AGBL4: variants seen among roughly 807,000 people sequenced by gnomAD.
AGBL4 encodes the protein cytosolic carboxypeptidase 6.
In AGBL4, 58 loss-of-function variants were observed where a neutral mutation model predicts 66.4. The ratio of observed to expected loss-of-function variants is 0.87; its 90% confidence interval spans 0.71 to 1.09. The LOEUF (loss-of-function observed/expected upper bound fraction) is 1.09. Ranked by LOEUF, AGBL4 falls within the 50% of genes least tolerant of loss-of-function variation. The pLI is 0.00. For synonymous variants in AGBL4, 234 were observed against 222.9 expected (o/e 1.05, Z -0.44); for missense variants, 579 against 631.0 (o/e 0.92, Z 0.88).
chr1:49,683,855 A>C (rs574533127), intron 3 of AGBL4, among the ~76,000 whole-genome samples: 1 of 152,328 alleles, frequency 6.6e-6, no homozygotes, highest in African/African-American at 2.4e-5. Context: ...TACACACTTG[A>C]TGAAAATTTG....
chr1:48,948,574 A>T (rs1283728201), intron 5 of AGBL4, among the ~76,000 whole-genome samples: 1 of 152,190 alleles, frequency 6.6e-6, no homozygotes. Context: ...ATCCATCTCC[A>T]GGCCATCATT....
chr1:49,258,060 A>G (rs903375175), intron 3 of AGBL4, among the ~76,000 whole-genome samples: 1 of 152,220 alleles, frequency 6.6e-6, no homozygotes, highest in Non-Finnish European at 1.5e-5. Context: ...CAGGGTCTGG[A>G]GTGAACCTCT....
intron 3 of AGBL4, among the ~76,000 whole-genome samples, chr1:49,466,282 G>A (rs1166311278): frequency 6.6e-6 from 1 of 151,876 alleles, no homozygotes; most frequent in Non-Finnish European, 1.5e-5. Flanking sequence ...ACCATTCATA[G>A]GCAGTACAGA....
In AGBL4 at chr1:49,932,931, G is replaced by A. The variant is rs377717653; in HGVS notation, c.35-81413C>T. Among the ~76,000 whole-genome samples the A allele has an allele frequency of 3.7e-4, 56 of 152,112 alleles. 1 individual carries two copies. The South Asian group carries it at 9.7e-3, about 26-fold the overall frequency. On this transcript the variant is annotated intron_variant, in intron 1 of 13. Transcript: ENST00000371839. The stretch of plus-strand genomic sequence containing the variant: ...TCTACAAACCTTATGAAACACAGGC[G>A]GGAAAACCTGTATACACATCATGGG...
intron 9 of AGBL4, among the ~76,000 whole-genome samples, chr1:48,608,034 C>T (rs557072668): frequency 6.6e-6 from 1 of 152,300 alleles, no homozygotes; most frequent in Admixed American, 6.5e-5. Context: ...TAAAATACTG[C>T]TTCTGAAGGG....
intron 1 of AGBL4, among the ~76,000 whole-genome samples, chr1:50,011,867 GAATGTTT>G (rs1557659327): frequency 6.6e-6 from 1 of 152,212 alleles, no homozygotes; most frequent in Non-Finnish European, 1.5e-5. Flanking sequence ...GAGAGTAGAA[GAATGTTT>G]ACCGGCCGGG....
intron 3 of AGBL4, among the ~76,000 whole-genome samples, chr1:49,560,226 T>C (rs924041050): frequency 1.3e-5 from 2 of 151,874 alleles, no homozygotes; most frequent in Non-Finnish European, 2.9e-5. Flanking sequence ...AAATCCAAGA[T>C]AACACGGAGA....
intron 4 of AGBL4, among the ~76,000 whole-genome samples, chr1:49,178,037 G>A (rs1646863062): frequency 6.6e-6 from 1 of 152,126 alleles, no homozygotes; most frequent in African/African-American, 2.4e-5. Context: ...ATTATAACAT[G>A]TCCTAAGAGG....
chr1:49,721,507 C>CAAGGGAT (rs1648608223), intron 2 of AGBL4, among the ~76,000 whole-genome samples: 1 of 152,026 alleles, frequency 6.6e-6, no homozygotes, highest in African/African-American at 2.4e-5. Flanking sequence ...TCCAATAATG[C>CAAGGGAT]AAGGGATATT....
chr1:49,158,394 T>A (rs1646476221), intron 4 of AGBL4, among the ~76,000 whole-genome samples: 1 of 152,176 alleles, frequency 6.6e-6, no homozygotes, highest in South Asian at 2.1e-4. Flanking sequence ...AGTTTCTTAA[T>A]CCTGAGTTCT....
chr1:49,356,795 C>T (rs1644028950), intron 3 of AGBL4, among the ~76,000 whole-genome samples: 2 of 152,152 alleles, frequency 1.3e-5, no homozygotes, highest in South Asian at 4.1e-4. Flanking sequence ...TGTGGAGAGT[C>T]ATTTCCATTT....
intron 3 of AGBL4, chr1:49,423,220 A>G (rs1645582744): frequency 6.6e-6 from 1 of 152,202 alleles, no homozygotes; most frequent in Non-Finnish European, 1.5e-5. Flanking sequence ...CTAATACAAT[A>G]ATCAAATATT....
chr1:49,041,323 A>G (rs767833486), intron 5 of AGBL4, among the ~76,000 whole-genome samples: 2 of 152,094 alleles, frequency 1.3e-5, no homozygotes, highest in African/African-American at 2.4e-5. Context: ...CTTGTCTGCA[A>G]AAGTATGCCA....
At chr1:50,010,759 A>G (rs1661474861) in intron 1 of AGBL4, among the ~76,000 whole-genome samples, 3 of 152,234 alleles carry the variant, frequency 2.0e-5, no homozygotes, top group African/African-American at 7.2e-5. Flanking sequence ...AAAACTGAAT[A>G]TTTATATGCA....
intron 2 of AGBL4, among the ~76,000 whole-genome samples, chr1:49,738,433 G>A (rs1458811822): frequency 5.9e-5 from 9 of 152,230 alleles, no homozygotes; most frequent in African/African-American, 1.9e-4. Context: ...GGAGCCCACC[G>A]CAGCTCAAGG....
chr1:49,680,560 T>A lies in AGBL4; in HGVS notation c.282+16753A>T, dbSNP rs116316393. Among the ~76,000 whole-genome samples, 1,024 of 152,254 alleles carry A rather than the reference T, an allele frequency of 6.7e-3. 7 individuals are homozygous for A. The highest frequency in any genetic ancestry group is 0.029 in the South Asian group (141 of 4,820). ...AAATGTTACAGCACTTTATTGTGGG[T>A]TCCATGATCTCTTATTATAAAGCCT... On this transcript the variant is annotated intron_variant, in intron 3 of 13. Coordinates refer to ENST00000371839, the MANE Select transcript of AGBL4 (RefSeq NM_032785.4).
chr1:49,114,593 C>T (rs1645477973), intron 4 of AGBL4, among the ~76,000 whole-genome samples: 2 of 152,206 alleles, frequency 1.3e-5, no homozygotes. Context: ...TTCTTCCTAA[C>T]TCAGCTTTCA....
chr1:49,467,573 T>C (rs1030987166), intron 3 of AGBL4, among the ~76,000 whole-genome samples: 1 of 151,848 alleles, frequency 6.6e-6, no homozygotes, highest in Non-Finnish European at 1.5e-5. Context: ...GCAGGACTAC[T>C]GTGTGATCTA....
intron 5 of AGBL4, among the ~76,000 whole-genome samples, chr1:48,990,259 T>G (rs540347269): frequency 6.6e-6 from 1 of 152,278 alleles, no homozygotes; most frequent in East Asian, 1.9e-4. Flanking sequence ...TAGAGTTGTT[T>G]GAGCTCCTTA....
Sources: allele counts gnomAD v4.1 joint callset (sites outside exome capture counted in the v4.1 genomes callset), GRCh38; gene constraint gnomAD v4.1.1; transcripts MANE v1.5; gene names NCBI Gene and HGNC (gene_info 2026-07-23, HGNC 2026-07-21).